Variants in CCT7 observed in about 807,000 individuals in gnomAD.
The protein encoded by CCT7 is chaperonin containing TCP1 subunit 7.
A neutral mutation model predicts 56.6 loss-of-function variants in CCT7; 16 were observed. That is an observed-to-expected ratio of 0.28 (90% CI 0.19 to 0.43). The LOEUF is 0.43. CCT7 is among the 20% of genes least tolerant of loss of function. The pLI is 1.00. For missense variants in CCT7, 519 were observed against 685.6 expected (o/e 0.76, Z 2.71); for synonymous variants, 262 against 254.8 (o/e 1.03, Z -0.27).
At chr2:73,234,487 C>T (rs1336359873) in intron 1 of CCT7, 103 bp downstream of exon 1, 13 of 1,339,108 alleles carry the variant, frequency 9.7e-6, no homozygotes, top group Middle Eastern at 2.2e-4. Context: ...TTGCTTGCCG[C>T]CTCTGTCCTC....
At chr2:73,244,113 G>C in intron 5 of CCT7, 64 bp downstream of exon 5, 1 of 1,498,264 alleles carries the variant, frequency 6.7e-7, no homozygotes, top group Non-Finnish European at 9.1e-7. Flanking sequence ...TATTGCCCAG[G>C]CTAGTCTTGA....
intron 11 of CCT7, among the ~76,000 whole-genome samples, chr2:73,252,425 G>A (rs1298327788): frequency 1.3e-5 from 2 of 151,268 alleles, no homozygotes; most frequent in Non-Finnish European, 2.9e-5. Context: ...CAGAGGTCTT[G>A]TGTGGTATGT....
At position 73,244,583 on chromosome 2, in the gene CCT7, T is replaced by C; in HGVS notation, c.486T>C (p.Ala162=). The stretch of plus-strand genomic sequence containing the variant: ...TGCTGGAAAAGTGTGCCATGACCGC[T>C]CTGAGCTCCAAGCTGATCTCCCAGC... ...RKLLEKCAMT[A]LSSKLISQQK... Residue 162 remains alanine (A), a synonymous_variant, in exon 6 of 12, where the codon GCT becomes GCC. Coordinates refer to ENST00000258091, the MANE Select transcript of CCT7 (RefSeq NM_006429.4). 1 of 1,613,818 alleles carries C rather than the reference T, an allele frequency of 6.2e-7. No individual in the cohort carries two copies. Among genetic ancestry groups the C allele is most frequent in the Non-Finnish European group, 8.5e-7 (1 of 1,179,786 alleles).
chr2:73,235,868 C>T (rs1007915531), intron 1 of CCT7, among the ~76,000 whole-genome samples: 9 of 152,220 alleles, frequency 5.9e-5, no homozygotes, highest in Non-Finnish European at 1.0e-4. Flanking sequence ...AGCTAGGGAT[C>T]AGAACCGCCA....
At chr2:73,247,956 T>G (rs1558568318) in intron 7 of CCT7, 30 bp downstream of exon 7, 3 of 1,602,888 alleles carry the variant, frequency 1.9e-6, no homozygotes, top group Middle Eastern at 3.3e-4. Context: ...GGTGGGGGCA[T>G]GGAAATGGGC....
intron 6 of CCT7, among the ~76,000 whole-genome samples, chr2:73,247,242 C>T (rs1048626880): frequency 2.0e-5 from 3 of 152,032 alleles, no homozygotes; most frequent in African/African-American, 4.8e-5. Context: ...AGGGAGGAAG[C>T]GTCAAGGCTA....
intron 3 of CCT7, 38 bp from the exon 4 acceptor site, chr2:73,242,966 A>G (rs765875591): frequency 1.2e-6 from 2 of 1,612,570 alleles, no homozygotes. Context: ...TATTCCCTGA[A>G]CATCAGAAAA....
At position 73,252,636 on chromosome 2, in the gene CCT7, T is replaced by A. The variant is rs944478913; in HGVS notation, c.1411-4T>A. 1 of 1,611,430 alleles carries A rather than the reference T, an allele frequency of 6.2e-7. No individual in the cohort carries two copies. The highest frequency in any genetic ancestry group is 1.3e-5 in the African/African-American group (1 of 74,852). On this transcript the variant is annotated splice_region_variant and splice_polypyrimidine_tract_variant and intron_variant, in intron 11 of 11. Coordinates refer to ENST00000258091, the MANE Select transcript of CCT7 (RefSeq NM_006429.4). ...TTACCTCCTTTCTTTTCCTACTCTTTTAGGGGGGTACATGGTATGGAGTAG... is the reference window on the plus strand; with the variant it reads ...TTACCTCCTTTCTTTTCCTACTCTTATAGGGGGGTACATGGTATGGAGTAG...
At chr2:73,244,185 T>G in intron 5 of CCT7, 136 bp downstream of exon 5, 2 of 867,278 alleles carry the variant, frequency 2.3e-6, no homozygotes, top group South Asian at 1.7e-5. Context: ...CAGGTGTGAG[T>G]CACCGTGTCA....
Position 73,247,850 on chromosome 2 carries a change from A to G in CCT7, c.707A>G (p.Lys236Arg), listed in dbSNP as rs775593325. ...EMQPKKYHNP[K>R]IALLNVELEL... is the part of the protein sequence containing the mutation. ...CAACCCAAAAAGTACCACAATCCCA[A>G]GATTGCCCTTTTGAATGTCGAGCTC... Residue 236 changes from lysine (K) to arginine (R), a missense_variant, in exon 7 of 12, where the codon AAG becomes AGG. Lys to Arg is a conservative substitution (Grantham distance 26). Coordinates refer to ENST00000258091, the MANE Select transcript of CCT7 (RefSeq NM_006429.4). 1.2e-6 allele frequency: 2 copies of G among 1,614,210 alleles called. No individual in the cohort carries two copies. Among genetic ancestry groups the G allele is most frequent in the South Asian group, 1.1e-5 (1 of 91,086 alleles).
chr2:73,251,638 T>C (rs1687587661), intron 11 of CCT7, among the ~76,000 whole-genome samples: 1 of 152,206 alleles, frequency 6.6e-6, no homozygotes. Flanking sequence ...TCTTCATTGC[T>C]TCTACCAAGA....
chr2:73,243,414 A>G (rs1042217015), intron 4 of CCT7, among the ~76,000 whole-genome samples: 8 of 152,162 alleles, frequency 5.3e-5, no homozygotes, highest in Non-Finnish European at 1.0e-4. Context: ...ACTACATGCT[A>G]TACTCAAGCA....
intron 1 of CCT7, among the ~76,000 whole-genome samples, chr2:73,236,805 C>T (rs890705533): frequency 6.6e-6 from 1 of 152,186 alleles, no homozygotes; most frequent in African/African-American, 2.4e-5. Context: ...CTTTTCCACC[C>T]CATAGATGCT....
At chr2:73,240,409 C>CT in intron 2 of CCT7, 28 bp from the exon 3 acceptor site, 1 of 1,555,752 alleles carries the variant, frequency 6.4e-7, no homozygotes, top group Non-Finnish European at 8.9e-7. Context: ...AAGAAAGGGG[C>CT]TTTAGATTTT....
intron 6 of CCT7, 137 bp from the exon 7 acceptor site, chr2:73,247,625 G>T: frequency 1.6e-6 from 1 of 623,110 alleles, no homozygotes; most frequent in Non-Finnish European, 2.7e-6. Context: ...TAACAGAAAG[G>T]CTGTGTTACA....
intron 4 of CCT7, 188 bp from the exon 5 acceptor site, chr2:73,243,809 G>A (rs77296312): frequency 0.083 from 50,222 of 604,008 alleles, 3,032 homozygotes; most frequent in African/African-American, 0.23. Context: ...TTCTGACTTG[G>A]AATTTTCTGA....
In CCT7 at chr2:73,234,368, A is replaced by G; in HGVS notation, c.-11A>G. 6.2e-7 allele frequency: 1 copy of G among 1,613,512 alleles called. No individual in the cohort carries two copies. The highest frequency in any genetic ancestry group is 1.1e-5 in the South Asian group (1 of 91,078). ...AGGGGAGAGTGGCGGGCCGCTGAAT[A>G]AGCTTCCAAAATGATGGTGAGTGGC... is the stretch of plus-strand genomic sequence containing the variant. On this transcript the variant is annotated 5_prime_UTR_variant, in exon 1 of 12. It adds an upstream start codon to the 5' untranslated region. Transcript: ENST00000258091.
At chr2:73,243,928 A>C (rs1687219461) in intron 4 of CCT7, 69 bp from the exon 5 acceptor site, 1 of 1,408,976 alleles carries the variant, frequency 7.1e-7, no homozygotes, top group African/African-American at 1.4e-5. Context: ...AGGACTATTG[A>C]GAGATTGAGG....
In CCT7 at chr2:73,244,715, G is replaced by A; in HGVS notation, c.618G>A (p.Glu206=). 1 of 1,607,992 alleles carries A rather than the reference G, an allele frequency of 6.2e-7. No individual in the cohort carries two copies. Residue 206 remains glutamate, a splice_region_variant and synonymous_variant, in exon 6 of 12, where the codon GAG becomes GAA. Transcript: ENST00000258091. ...AGAAGGTACAGGGTGGAGCCCTCGAGGTAAGCCTGCTGTGGCCTTCCTAGA... is the reference window on the plus strand; with the variant it reads ...AGAAGGTACAGGGTGGAGCCCTCGAAGTAAGCCTGCTGTGGCCTTCCTAGA... ...GIKKVQGGAL[E]DSQLVAGVAF...
Sources: gnomAD v4.1 joint callset for allele counts (sites outside exome capture counted in the v4.1 genomes callset) on GRCh38, gnomAD v4.1.1 for gene constraint, MANE v1.5 for transcripts, NCBI Gene and HGNC (gene_info 2026-07-23, HGNC 2026-07-21) for gene names.